The following DISC1 variants were observed in gnomAD, a reference collection of about 807,000 sequenced individuals.
DISC1 encodes DISC1 scaffold protein.
Under a neutral mutation model 84.5 loss-of-function variants are expected in DISC1, and 57 were observed. The ratio of observed to expected loss-of-function variants is 0.67; its 90% CI spans 0.55 to 0.84. The LOEUF is 0.84. DISC1 is among the 40% of genes least tolerant of loss of function. The pLI, the probability that DISC1 is intolerant of heterozygous loss-of-function variation, is 0.00. For synonymous variants in DISC1, 411 were observed against 415.2 expected, an observed-to-expected ratio of 0.99 and a Z score of 0.12; for missense variants, 1,000 against 1,057.8, an observed-to-expected ratio of 0.95 and a Z score of 0.76.
At chr1:231,771,519 C>T in intron 6 of DISC1, 1 of 985,436 alleles carries the variant, frequency 1.0e-6, no homozygotes, top group Non-Finnish European at 1.2e-6. Flanking sequence ...TGGATTGTTA[C>T]TGGTAGCTAA....
intron 6 of DISC1, among the ~76,000 whole-genome samples, chr1:231,783,648 G>A (rs1320755817): frequency 6.6e-6 from 1 of 152,210 alleles, no homozygotes. Flanking sequence ...TTCAATGCAT[G>A]CTGTGATGTT....
chr1:231,753,147 G>A (rs1357038604), intron 4 of DISC1, among the ~76,000 whole-genome samples: 1 of 152,208 alleles, frequency 6.6e-6, no homozygotes, highest in African/African-American at 2.4e-5. Flanking sequence ...GCTCCACTAG[G>A]CAGTGCCCCA....
chr1:231,905,351 GC>G (rs2088549735), intron 9 of DISC1, among the ~76,000 whole-genome samples: 1 of 152,194 alleles, frequency 6.6e-6, no homozygotes, highest in South Asian at 2.1e-4. Flanking sequence ...GTACGCAGTG[GC>G]TCATGCCTAT....
intron 9 of DISC1, among the ~76,000 whole-genome samples, chr1:231,887,600 G>A (rs2086862055): frequency 1.3e-5 from 2 of 152,206 alleles, no homozygotes; most frequent in South Asian, 2.1e-4. Flanking sequence ...TAAGTCTACA[G>A]GACTGGGCAG....
At position 231,648,928 on chromosome 1, in the gene DISC1, G is replaced by A. The variant is rs532476122; in HGVS notation, c.67+21994G>A. The stretch of plus-strand genomic sequence containing the variant: ...TATCCCCTTTATCATTTTTTATTGC[G>A]TCTGTTTTATTCTTCTCTCTTTTCT... On this transcript the variant is annotated intron_variant, in intron 1 of 12. Coordinates refer to ENST00000439617, the MANE Select transcript of DISC1 (RefSeq NM_018662.3). Among the ~76,000 whole-genome samples the A allele has an allele frequency of 7.1e-3, 1,086 of 152,066 alleles. 21 individuals carry two copies. Among genetic ancestry groups the A allele is most frequent in the African/African-American group, 0.025 (1,023 of 41,482 alleles).
intron 3 of DISC1, among the ~76,000 whole-genome samples, chr1:231,709,884 A>G (rs2067589880): frequency 6.6e-6 from 1 of 152,222 alleles, no homozygotes; most frequent in Non-Finnish European, 1.5e-5. Context: ...AATGTGGTTC[A>G]GGAAGTCTCT....
chr1:231,673,357 C>T (rs1256998543), intron 1 of DISC1, among the ~76,000 whole-genome samples: 1 of 151,762 alleles, frequency 6.6e-6, no homozygotes, highest in African/African-American at 2.4e-5. Context: ...CTCTGTTGTC[C>T]AGGCTGGAGT....
At chr1:231,732,880 G>C (rs1267158445) in intron 3 of DISC1, among the ~76,000 whole-genome samples, 1 of 97,018 alleles carries the variant, frequency 1.0e-5, no homozygotes, top group East Asian at 3.3e-4. Flanking sequence ...ATGATAGTAC[G>C]TGTGAGAGAT....
At chr1:231,747,449 G>C (rs1314493477) in intron 3 of DISC1, among the ~76,000 whole-genome samples, 1 of 152,046 alleles carries the variant, frequency 6.6e-6, no homozygotes, top group African/African-American at 2.4e-5. Context: ...GAGAGACAGG[G>C]GTCTACTTTC....
chr1:231,923,979 A>G (rs560069079), intron 9 of DISC1, among the ~76,000 whole-genome samples: 54 of 152,308 alleles, frequency 3.5e-4, no homozygotes, highest in African/African-American at 1.2e-3. Flanking sequence ...ATTCATTTGC[A>G]TTCATTTGAC....
intron 12 of DISC1, among the ~76,000 whole-genome samples, chr1:232,030,379 C>G (rs1669886434): frequency 6.6e-6 from 1 of 152,162 alleles, no homozygotes; most frequent in Non-Finnish European, 1.5e-5. Context: ...AACACACTTT[C>G]AAAGGAAAAG....
chr1:231,886,177 C>T (rs547723377), intron 9 of DISC1, among the ~76,000 whole-genome samples: 30 of 152,316 alleles, frequency 2.0e-4, no homozygotes, highest in Non-Finnish European at 3.5e-4. Context: ...GGCCCCACCT[C>T]CTAACACTGC....
intron 9 of DISC1, chr1:231,819,005 C>T (rs1337561966): frequency 6.0e-6 from 6 of 995,392 alleles, no homozygotes; most frequent in Non-Finnish European, 7.2e-6. Flanking sequence ...TGAATGCCGC[C>T]TTAGCCAAAG....
intron 11 of DISC1, among the ~76,000 whole-genome samples, chr1:232,021,642 A>G (rs1484066284): frequency 1.3e-5 from 2 of 152,194 alleles, no homozygotes; most frequent in Non-Finnish European, 2.9e-5. Flanking sequence ...AGCATTTTGC[A>G]ATAGTTTTAT....
rs79760400 is a variant in DISC1, at chr1:231,997,549, G to A, written c.2043-11236G>A. Reference sequence around the variant, plus strand: ...TGCTGAGGAAGGCCAATCCTACCTAGGTGCTTCAAGAAACAAACCCCTGCT... The same window carrying A: ...TGCTGAGGAAGGCCAATCCTACCTAAGTGCTTCAAGAAACAAACCCCTGCT... On this transcript the variant is annotated intron_variant, in intron 10 of 12. Coordinates refer to ENST00000439617, the MANE Select transcript of DISC1 (RefSeq NM_018662.3). 3.9e-3 allele frequency among the ~76,000 whole-genome samples: 593 copies of A among 152,186 alleles called. 5 individuals are homozygous for A. Among genetic ancestry groups the A allele is most frequent in the African/African-American group, 0.014 (566 of 41,514 alleles).
At chr1:231,672,853 C>T (rs2062757609) in intron 1 of DISC1, among the ~76,000 whole-genome samples, 1 of 152,198 alleles carries the variant, frequency 6.6e-6, no homozygotes, top group Non-Finnish European at 1.5e-5. Context: ...AACTCCCTGA[C>T]CTGGGGGTTT....
chr1:231,928,246 A>G (rs1217256460), intron 9 of DISC1, among the ~76,000 whole-genome samples: 3 of 152,206 alleles, frequency 2.0e-5, no homozygotes, highest in South Asian at 4.1e-4. Flanking sequence ...TAGGGATGAC[A>G]TGATATTTAA....
At chr1:231,816,960 T>C (rs928921811) in intron 8 of DISC1, among the ~76,000 whole-genome samples, 9 of 151,736 alleles carry the variant, frequency 5.9e-5, no homozygotes, top group South Asian at 2.1e-4. Context: ...TCCTCCTCCT[T>C]CTTCTTCTTT....
intron 9 of DISC1, among the ~76,000 whole-genome samples, chr1:231,921,740 G>GTATGCATA (rs2090025055): frequency 6.7e-6 from 1 of 149,584 alleles, no homozygotes; most frequent in Non-Finnish European, 1.5e-5. Flanking sequence ...ATGATTTGAT[G>GTATGCATA]TATGCATATG....
Sources: allele counts gnomAD v4.1 joint callset (sites outside exome capture counted in the v4.1 genomes callset), GRCh38; gene constraint gnomAD v4.1.1; transcripts MANE v1.5; gene names NCBI Gene and HGNC (gene_info 2026-07-23, HGNC 2026-07-21).